Variants in SBF2 observed in about 807,000 individuals in gnomAD.
SBF2 encodes the protein SET binding factor 2, also known as myotubularin-related protein 13.
A neutral mutation model predicts 225.2 loss-of-function variants in SBF2; 112 were observed. The ratio of observed to expected loss-of-function variants is 0.50; its 90% confidence interval spans 0.43 to 0.58. The LOEUF (loss-of-function observed/expected upper bound fraction) is 0.58, where lower values mean the gene tolerates loss of function less well. SBF2 is among the 20% of genes least tolerant of loss of function. The probability of loss-of-function intolerance (pLI) is 0.00; values close to 1 mark genes in which losing one functional copy is unlikely to be tolerated. For synonymous variants in SBF2, 763 were observed against 773.3 expected, an observed-to-expected ratio of 0.99 and a Z score of 0.22; for missense variants, 1,996 against 2,206.2, an observed-to-expected ratio of 0.90 and a Z score of 1.91.
chr11:9,781,623 A>G lies in SBF2; in HGVS notation c.5335T>C (p.Ser1779Pro), dbSNP rs773088899. Residue 1779 changes from serine (S) to proline (P), a missense_variant, in exon 39 of 40, where the codon TCA becomes CCA. By Grantham distance (74) the Ser-to-Pro change is moderately conservative. Coordinates refer to ENST00000256190, the MANE Select transcript of SBF2 (RefSeq NM_030962.4). ...VTKHQLRYYD[S>P]GEDTSCKGHI... ...CCTTTACAGCTTGTGTCCTCACCTG[A>G]GTCATAGTAGCGCAGCTGGAACCAA... is the stretch of plus-strand genomic sequence containing the variant. The G allele has an allele frequency of 6.2e-7, 1 of 1,614,212 alleles. No individual in the cohort carries two copies. Among genetic ancestry groups the G allele is most frequent in the Non-Finnish European group, 8.5e-7 (1 of 1,180,034 alleles).
chr11:9,967,915 G>A (rs1354455057), intron 14 of SBF2, among the ~76,000 whole-genome samples: 1 of 127,196 alleles, frequency 7.9e-6, no homozygotes, highest in Admixed American at 7.9e-5. Context: ...AACTCAATCT[G>A]TCTGTCTGTC....
chr11:10,076,379 G>C (rs1951109152), intron 2 of SBF2, among the ~76,000 whole-genome samples: 1 of 152,248 alleles, frequency 6.6e-6, no homozygotes, highest in South Asian at 2.1e-4. Flanking sequence ...GCAGACACTG[G>C]TTTGGAGAAT....
At chr11:9,816,740 G>T (rs1407618153) in intron 29 of SBF2, 100 bp downstream of exon 29, 3 of 1,138,754 alleles carry the variant, frequency 2.6e-6, no homozygotes, top group South Asian at 1.4e-5. Context: ...TAAGAATCAT[G>T]CTGTAAAAAA....
intron 13 of SBF2, among the ~76,000 whole-genome samples, chr11:9,977,083 TAGA>T (rs1387714753): frequency 6.6e-6 from 1 of 152,170 alleles, no homozygotes; most frequent in East Asian, 1.9e-4. Context: ...TGCCCTGAAG[TAGA>T]AGTTTTATGA....
chr11:10,214,215 C>A (rs555574244), intron 1 of SBF2, among the ~76,000 whole-genome samples: 1 of 152,280 alleles, frequency 6.6e-6, no homozygotes, highest in South Asian at 2.1e-4. Context: ...CAGTAGCACC[C>A]TGCTCCCCCA....
intron 2 of SBF2, among the ~76,000 whole-genome samples, chr11:10,107,344 TAATC>T (rs1393176625): frequency 6.6e-6 from 1 of 152,228 alleles, no homozygotes; most frequent in African/African-American, 2.4e-5. Context: ...GATGAATTAT[TAATC>T]AATGCAATAA....
chr11:10,218,317 CCCA>C (rs1396876216), intron 1 of SBF2, among the ~76,000 whole-genome samples: 23 of 22,238 alleles, frequency 1.0e-3, no homozygotes, highest in African/African-American at 5.0e-3. Context: ...ACAGGAAAGA[CCCA>C]CCCCCCCCCC....
At chr11:10,053,440 G>T (rs1590845820) in intron 2 of SBF2, among the ~76,000 whole-genome samples, 1 of 152,158 alleles carries the variant, frequency 6.6e-6, no homozygotes, top group Non-Finnish European at 1.5e-5. Context: ...GAAAAGAAGT[G>T]ATAACAAAGA....
intron 17 of SBF2, among the ~76,000 whole-genome samples, chr11:9,884,387 A>T (rs2134095428): frequency 3.6e-5 from 1 of 27,414 alleles, no homozygotes; most frequent in Middle Eastern, 0.014. Context: ...CCTACTTTTA[A>T]AAAAAATGTG....
chr11:10,191,530 G>T (rs1957171241), intron 2 of SBF2, among the ~76,000 whole-genome samples: 1 of 152,100 alleles, frequency 6.6e-6, no homozygotes, highest in South Asian at 2.1e-4. Flanking sequence ...AAAAGGAAAA[G>T]GAAAAAGAAA....
intron 33 of SBF2, among the ~76,000 whole-genome samples, chr11:9,792,098 G>A (rs953179485): frequency 6.6e-6 from 1 of 152,150 alleles, no homozygotes; most frequent in Non-Finnish European, 1.5e-5. Flanking sequence ...TAGGACACAG[G>A]AGAATTCATT....
chr11:10,268,054 G>A (rs115149856), intron 1 of SBF2, among the ~76,000 whole-genome samples: 3,206 of 152,170 alleles, frequency 0.021, 85 homozygotes, highest in African/African-American at 0.063. Flanking sequence ...AGACCGCGTA[G>A]GACAAGTATA....
At chr11:10,067,108 A>T (rs1377623617) in intron 2 of SBF2, among the ~76,000 whole-genome samples, 1 of 151,826 alleles carries the variant, frequency 6.6e-6, no homozygotes, top group Non-Finnish European at 1.5e-5. Context: ...TGGGACCCTG[A>T]CTCTGTTTTT....
At chr11:9,984,151 G>A (rs146412611) in intron 13 of SBF2, among the ~76,000 whole-genome samples, 3,820 of 152,230 alleles carry the variant, frequency 0.025, 91 homozygotes, top group Middle Eastern at 0.052. Context: ...AGAGAAAGGC[G>A]AAGCCCAATG....
intron 28 of SBF2, among the ~76,000 whole-genome samples, chr11:9,819,937 T>C (rs1854658367): frequency 6.6e-6 from 1 of 152,238 alleles, no homozygotes; most frequent in South Asian, 2.1e-4. Flanking sequence ...CCTGTGACAA[T>C]ACCCAATATC....
chr11:10,149,655 T>A (rs968968699), intron 2 of SBF2: 1 of 152,178 alleles, frequency 6.6e-6, no homozygotes, highest in Non-Finnish European at 1.5e-5. Flanking sequence ...CTTAGGCCAA[T>A]GTCATATACT....
chr11:9,785,242 T>G lies in SBF2; in HGVS notation c.5114A>C (p.His1705Pro), dbSNP rs553493779. The G allele has an allele frequency of 6.2e-7, 1 of 1,613,950 alleles. No homozygotes were observed. Among genetic ancestry groups the G allele is most frequent in the South Asian group, 1.1e-5 (1 of 91,078 alleles). ...CTCCCCCATGCTGCTGTCTGGGAGA[T>G]GTAGCAGAGACCTCTTCTGATAGGA... ...LPSYQKRSLL[H>P]LPDSSMGEEQ... Residue 1705 changes from histidine to proline, a missense_variant, in exon 37 of 40, where the codon CAT becomes CCT. By Grantham distance (77) the His-to-Pro change is moderately conservative (BLOSUM62 -2). Transcript: ENST00000256190.
chr11:9,930,788 C>T (rs1440938191), intron 16 of SBF2, among the ~76,000 whole-genome samples: 1 of 152,212 alleles, frequency 6.6e-6, no homozygotes, highest in African/African-American at 2.4e-5. Context: ...GCCGAAGCAG[C>T]GTGGGGTGTC....
At chr11:9,940,039 C>T (rs1050746840) in intron 16 of SBF2, among the ~76,000 whole-genome samples, 4 of 151,980 alleles carry the variant, frequency 2.6e-5, no homozygotes, top group African/African-American at 9.7e-5. Flanking sequence ...TTAGATCATG[C>T]CACATTACTA....
Sources: gnomAD v4.1 joint callset for allele counts (sites outside exome capture counted in the v4.1 genomes callset) on GRCh38, gnomAD v4.1.1 for gene constraint, MANE v1.5 for transcripts, NCBI Gene and HGNC (gene_info 2026-07-23, HGNC 2026-07-21) for gene names.